Variants in LSAMP observed in about 807,000 individuals in gnomAD.
LSAMP encodes the protein limbic system-associated membrane protein.
A neutral mutation model predicts 38.6 loss-of-function variants in LSAMP; 7 were observed. The ratio of observed to expected loss-of-function variants is 0.18; its 90% confidence interval spans 0.10 to 0.34. LSAMP has a LOEUF of 0.34. LSAMP is among the 10% of genes least tolerant of loss of function. The probability of loss-of-function intolerance (pLI) is 1.00; values close to 1 mark genes in which losing one functional copy is unlikely to be tolerated. For synonymous variants in LSAMP, 154 were observed against 166.8 expected (o/e 0.92, Z 0.59); for missense variants, 313 against 420.0 (o/e 0.75, Z 2.23).
At chr3:116,375,648 C>T (rs1408453657) in intron 1 of LSAMP, among the ~76,000 whole-genome samples, 1 of 151,648 alleles carries the variant, frequency 6.6e-6, no homozygotes, top group Admixed American at 6.6e-5. Flanking sequence ...AACTACAGTG[C>T]TCAATGATAG....
At chr3:116,121,944 C>A (rs779326690) in intron 1 of LSAMP, among the ~76,000 whole-genome samples, 1 of 144,188 alleles carries the variant, frequency 6.9e-6, no homozygotes, top group Non-Finnish European at 1.5e-5. Context: ...ATTTTATGTG[C>A]GGCCCAAGAC....
At chr3:115,969,762 G>T (rs1258973467) in intron 3 of LSAMP, among the ~76,000 whole-genome samples, 1 of 152,128 alleles carries the variant, frequency 6.6e-6, no homozygotes, top group African/African-American at 2.4e-5. Flanking sequence ...CTGGGGTAAG[G>T]CTCAGCAAAG....
chr3:116,028,339 G>C lies in LSAMP; in HGVS notation c.389-8699C>G, dbSNP rs143186536. ...TTTCCAGGATGGATGACAGGACTGGGAAATGTAGCACAGTGTACTAGATTG... is the reference window on the plus strand; with the variant it reads ...TTTCCAGGATGGATGACAGGACTGGCAAATGTAGCACAGTGTACTAGATTG... On this transcript the variant is annotated intron_variant, in intron 2 of 6. Transcript: ENST00000490035. Among the ~76,000 whole-genome samples, 534 of 152,228 alleles carry C rather than the reference G, an allele frequency of 3.5e-3. 4 individuals are homozygous for C. Among genetic ancestry groups the C allele is most frequent in the Non-Finnish European group, 6.5e-3 (444 of 68,016 alleles).
intron 2 of LSAMP, among the ~76,000 whole-genome samples, chr3:116,024,456 T>C (rs1050625704): frequency 5.3e-5 from 8 of 152,208 alleles, no homozygotes; most frequent in Non-Finnish European, 1.0e-4. Context: ...TATCAACTTA[T>C]TTGACTCAAT....
chr3:115,841,329 T>G (rs762673358), intron 6 of LSAMP, among the ~76,000 whole-genome samples: 3 of 152,228 alleles, frequency 2.0e-5, no homozygotes, highest in Non-Finnish European at 2.9e-5. Flanking sequence ...AGATTTTACA[T>G]TATGTTTTTA....
Position 115,810,225 on chromosome 3 carries a change from C to A in LSAMP, c.*92G>T. 2.9e-6 allele frequency: 2 copies of A among 691,182 alleles called. No homozygotes were observed. Among genetic ancestry groups the A allele is most frequent in the Non-Finnish European group, 4.5e-6 (2 of 443,190 alleles). The allele number at this position is 691,182 out of a possible 1,614,324, so 42.8% of individuals were successfully genotyped here. On this transcript the variant is annotated 3_prime_UTR_variant, in exon 7 of 7. Coordinates refer to ENST00000490035, the MANE Select transcript of LSAMP (RefSeq NM_002338.5). Reference sequence around the variant, plus strand: ...GTGAAATAAACGGTCTCCCCCATCTCTCTCTCTCTCTCTCTCTCTGTCTCT... The same window carrying A: ...GTGAAATAAACGGTCTCCCCCATCTATCTCTCTCTCTCTCTCTCTGTCTCT...
chr3:116,330,650 G>A (rs2047839279), intron 1 of LSAMP, among the ~76,000 whole-genome samples: 1 of 151,786 alleles, frequency 6.6e-6, no homozygotes, highest in Non-Finnish European at 1.5e-5. Context: ...TGGAAAATTA[G>A]AAAGTGACAG....
At chr3:116,305,424 G>T (rs1041809218) in intron 1 of LSAMP, among the ~76,000 whole-genome samples, 1 of 152,042 alleles carries the variant, frequency 6.6e-6, no homozygotes, top group African/African-American at 2.4e-5. Context: ...GAGGCAAGAT[G>T]CCCTTGAACC....
intron 1 of LSAMP, among the ~76,000 whole-genome samples, chr3:116,408,146 C>T (rs935703898): frequency 2.0e-5 from 3 of 151,946 alleles, no homozygotes; most frequent in Non-Finnish European, 4.4e-5. Flanking sequence ...TTAATGTTTT[C>T]CATCTTTACA....
chr3:116,235,222 G>C (rs185888767), intron 1 of LSAMP, among the ~76,000 whole-genome samples: 1 of 151,560 alleles, frequency 6.6e-6, no homozygotes, highest in Non-Finnish European at 1.5e-5. Context: ...TCAAGTGATC[G>C]TCACACCTCA....
chr3:115,975,733 C>T (rs1343476225), intron 3 of LSAMP, among the ~76,000 whole-genome samples: 1 of 152,078 alleles, frequency 6.6e-6, no homozygotes, highest in Non-Finnish European at 1.5e-5. Flanking sequence ...CATTACTGAC[C>T]TCTTGAAAAT....
At chr3:116,191,926 T>C (rs955091716) in intron 1 of LSAMP, among the ~76,000 whole-genome samples, 3 of 152,152 alleles carry the variant, frequency 2.0e-5, no homozygotes, top group Non-Finnish European at 2.9e-5. Flanking sequence ...ACTTGAAGTG[T>C]GATCTCCAGT....
At chr3:115,947,507 T>C (rs1378991891) in intron 3 of LSAMP, among the ~76,000 whole-genome samples, 1 of 152,140 alleles carries the variant, frequency 6.6e-6, no homozygotes. Flanking sequence ...TTTATGATAG[T>C]GGTTACGTTG....
chr3:115,915,672 T>C (rs1274457941), intron 3 of LSAMP, among the ~76,000 whole-genome samples: 1 of 151,926 alleles, frequency 6.6e-6, no homozygotes, highest in African/African-American at 2.4e-5. Flanking sequence ...CTCGCTCTGT[T>C]GCCAGGCTGG....
At chr3:115,895,537 C>G (rs752733757) in intron 3 of LSAMP, among the ~76,000 whole-genome samples, 1 of 151,942 alleles carries the variant, frequency 6.6e-6, no homozygotes, top group Non-Finnish European at 1.5e-5. Flanking sequence ...CAGGTAAAAA[C>G]AAATAATTTT....
At chr3:115,903,418 T>C (rs1202495104) in intron 3 of LSAMP, among the ~76,000 whole-genome samples, 2 of 152,010 alleles carry the variant, frequency 1.3e-5, no homozygotes, top group Admixed American at 6.6e-5. Flanking sequence ...GATGAAGTAA[T>C]CTGTACAACA....
intron 1 of LSAMP, among the ~76,000 whole-genome samples, chr3:116,088,295 A>G (rs1708039610): frequency 6.6e-6 from 1 of 152,036 alleles, no homozygotes; most frequent in Non-Finnish European, 1.5e-5. Flanking sequence ...TAACATCTCC[A>G]TTTCCCAGTA....
chr3:115,834,710 A>G, intron 6 of LSAMP: 1 of 381,500 alleles, frequency 2.6e-6, no homozygotes, highest in South Asian at 3.7e-5. Context: ...CCATGCTTAC[A>G]GGATCATATC....
intron 1 of LSAMP, among the ~76,000 whole-genome samples, chr3:116,388,776 A>G (rs757453696): frequency 2.6e-5 from 4 of 152,182 alleles, no homozygotes; most frequent in Non-Finnish European, 5.9e-5. Context: ...CTTTTCACCA[A>G]TCCTATAATG....
Sources: gnomAD v4.1 joint callset for allele counts (sites outside exome capture counted in the v4.1 genomes callset) on GRCh38, gnomAD v4.1.1 for gene constraint, MANE v1.5 for transcripts, NCBI Gene and HGNC (gene_info 2026-07-23, HGNC 2026-07-21) for gene names.